Variants in SLC4A10 observed in about 807,000 individuals in gnomAD.
The protein encoded by SLC4A10 is sodium-driven chloride bicarbonate exchanger.
In SLC4A10, 42 loss-of-function variants were observed where a neutral mutation model predicts 137.7. The observed-to-expected ratio is 0.30, with a 90% CI of 0.24 to 0.39. SLC4A10 has a LOEUF of 0.39. SLC4A10 is among the 10% of genes least tolerant of loss of function. The pLI, the probability that SLC4A10 is intolerant of heterozygous loss-of-function variation, is 1.00. For synonymous variants in SLC4A10, 474 were observed against 464.1 expected, an observed-to-expected ratio of 1.02 and a Z score of -0.27; for missense variants, 925 against 1,355.0, an observed-to-expected ratio of 0.68 and a Z score of 4.98.
intron 2 of SLC4A10, among the ~76,000 whole-genome samples, chr2:161,784,059 T>C (rs1574949681): frequency 6.6e-6 from 1 of 151,720 alleles, no homozygotes; most frequent in African/African-American, 2.4e-5. Context: ...TCCACGAAAA[T>C]GTTAATGAAA....
At chr2:161,940,207 A>G (rs1364031783) in intron 15 of SLC4A10, among the ~76,000 whole-genome samples, 1 of 152,186 alleles carries the variant, frequency 6.6e-6, no homozygotes, top group Non-Finnish European at 1.5e-5. Context: ...TCAGCATGAC[A>G]GAAGCTTAAC....
intron 10 of SLC4A10, among the ~76,000 whole-genome samples, chr2:161,893,773 TA>T (rs1255317365): frequency 2.6e-5 from 4 of 151,776 alleles, no homozygotes; most frequent in African/African-American, 4.8e-5. Flanking sequence ...ATAATATGCA[TA>T]AAAATTATAC....
At chr2:161,754,728 T>C (rs911880800) in intron 1 of SLC4A10, among the ~76,000 whole-genome samples, 9 of 152,218 alleles carry the variant, frequency 5.9e-5, no homozygotes, top group African/African-American at 1.9e-4. Context: ...CATTTGAAAG[T>C]ATTATTTTTC....
chr2:161,915,016 C>CT (rs948607219), intron 15 of SLC4A10, among the ~76,000 whole-genome samples: 1 of 152,042 alleles, frequency 6.6e-6, no homozygotes, highest in African/African-American at 2.4e-5. Context: ...TGAATAATAT[C>CT]TTTTTTACCA....
intron 2 of SLC4A10, among the ~76,000 whole-genome samples, chr2:161,803,960 A>G (rs532947332): frequency 6.6e-6 from 1 of 152,274 alleles, no homozygotes; most frequent in South Asian, 2.1e-4. Context: ...ATAGGTGGCC[A>G]ATATCAAGTG....
intron 1 of SLC4A10, among the ~76,000 whole-genome samples, chr2:161,680,744 T>C (rs576393302): frequency 6.6e-6 from 1 of 152,254 alleles, no homozygotes; most frequent in South Asian, 2.1e-4. Context: ...ATTAATGGTA[T>C]ACAATGTATT....
intron 1 of SLC4A10, among the ~76,000 whole-genome samples, chr2:161,727,515 T>C (rs1055480504): frequency 6.6e-6 from 1 of 152,142 alleles, no homozygotes; most frequent in African/African-American, 2.4e-5. Context: ...GAGAGTAGGA[T>C]GGGAGAAAAA....
At chr2:161,650,869 G>A (rs1393498231) in intron 1 of SLC4A10, among the ~76,000 whole-genome samples, 2 of 152,154 alleles carry the variant, frequency 1.3e-5, no homozygotes, top group East Asian at 3.9e-4. Flanking sequence ...AACAGCCTGG[G>A]CGCCATGGAC....
rs1009725550 is a variant in SLC4A10, at chr2:161,983,188, C to A, written c.*36C>A. ...TTTTTTCCTTCTGTAGCATTGAAAG[C>A]CGAAAAGAGAAGAAAGCTGACTCAG... On this transcript the variant is annotated 3_prime_UTR_variant, in exon 27 of 27. Coordinates refer to ENST00000446997, the MANE Select transcript of SLC4A10 (RefSeq NM_001178015.2). 1 of 1,536,526 alleles carries A rather than the reference C, an allele frequency of 6.5e-7. No homozygotes were observed. Among genetic ancestry groups the A allele is most frequent in the African/African-American group, 1.4e-5 (1 of 73,096 alleles).
intron 1 of SLC4A10, among the ~76,000 whole-genome samples, chr2:161,680,183 A>G (rs2040701579): frequency 6.6e-6 from 1 of 152,144 alleles, no homozygotes; most frequent in South Asian, 2.1e-4. Flanking sequence ...CTCTGTTCAC[A>G]GAGTTTTGTA....
At chr2:161,695,134 C>T (rs983870275) in intron 1 of SLC4A10, among the ~76,000 whole-genome samples, 7 of 151,962 alleles carry the variant, frequency 4.6e-5, no homozygotes, top group Admixed American at 2.0e-4. Flanking sequence ...TATAACTTTA[C>T]AATACAGAGA....
At chr2:161,767,127 ATATATATATATATGTG>A (rs1442787628) in intron 1 of SLC4A10, among the ~76,000 whole-genome samples, 4 of 82,828 alleles carry the variant, frequency 4.8e-5, no homozygotes, top group African/African-American at 2.2e-4. Flanking sequence ...ATATATATAT[ATATATATATATATGTG>A]TGTGTGTGTG....
chr2:161,695,649 C>T (rs2042409610), intron 1 of SLC4A10, among the ~76,000 whole-genome samples: 1 of 152,068 alleles, frequency 6.6e-6, no homozygotes, highest in South Asian at 2.1e-4. Flanking sequence ...ATGATCGTTG[C>T]ACTTATATCT....
intron 13 of SLC4A10, 47 bp from the exon 14 acceptor site, chr2:161,904,729 G>A: frequency 6.3e-7 from 1 of 1,597,892 alleles, no homozygotes. Flanking sequence ...AGCTACAATG[G>A]CCTCCTGTAC....
At chr2:161,779,766 A>G (rs987689823) in intron 2 of SLC4A10, among the ~76,000 whole-genome samples, 3 of 152,004 alleles carry the variant, frequency 2.0e-5, no homozygotes, top group African/African-American at 7.2e-5. Flanking sequence ...TGCCACCTTT[A>G]TTTGCATGGC....
At chr2:161,732,700 T>C (rs528072750) in intron 1 of SLC4A10, among the ~76,000 whole-genome samples, 1 of 152,146 alleles carries the variant, frequency 6.6e-6, no homozygotes, top group Non-Finnish European at 1.5e-5. Flanking sequence ...TGGAACAGTT[T>C]GGAGGGCTGA....
intron 1 of SLC4A10, among the ~76,000 whole-genome samples, chr2:161,713,235 C>G (rs753010717): frequency 1.3e-5 from 2 of 151,512 alleles, no homozygotes; most frequent in Admixed American, 6.6e-5. Flanking sequence ...ACTATGATTT[C>G]TAAACTGAGA....
Position 161,862,932 on chromosome 2 carries a change from G to A in SLC4A10, c.636G>A (p.Arg212=). ...SGQLNEDVRH[R]VHEALMKQHH... ...AGCTGAATGAAGATGTACGCCATAG[G>A]GTCCATGAGGCATTGATGAAACAGC... is the stretch of plus-strand genomic sequence containing the variant. Residue 212 remains arginine (R), a synonymous_variant, in exon 6 of 27, where the codon AGG becomes AGA. Transcript: ENST00000446997. 6.2e-7 allele frequency: 1 copy of A among 1,612,846 alleles called. No individual in the cohort carries two copies. Among genetic ancestry groups the A allele is most frequent in the Non-Finnish European group, 8.5e-7 (1 of 1,179,338 alleles).
At chr2:161,885,250 T>G (rs2062161688) in intron 10 of SLC4A10, among the ~76,000 whole-genome samples, 1 of 151,422 alleles carries the variant, frequency 6.6e-6, no homozygotes, top group African/African-American at 2.4e-5. Context: ...TCATTAAGAA[T>G]AGAATTTAAT....
Sources: gnomAD v4.1 joint callset for allele counts (sites outside exome capture counted in the v4.1 genomes callset) on GRCh38, gnomAD v4.1.1 for gene constraint, MANE v1.5 for transcripts, NCBI Gene and HGNC (gene_info 2026-07-23, HGNC 2026-07-21) for gene names.